STS: variants seen among roughly 807,000 people sequenced by gnomAD.
STS encodes the protein steryl-sulfatase.
In STS, 7 loss-of-function variants were observed where a neutral mutation model predicts 26.8. The observed-to-expected ratio is 0.26, with a 90% CI of 0.15 to 0.49. The LOEUF is 0.49. Ranked by LOEUF, STS falls within the 20% of genes least tolerant of loss-of-function variation. The pLI is 0.98. For synonymous variants in STS, 199 were observed against 189.4 expected (o/e 1.05, Z -0.42); for missense variants, 434 against 465.6 (o/e 0.93, Z 0.63).
At chrX:7,272,506 G>C (rs1285833023) in intron 6 of STS, among the ~76,000 whole-genome samples, 2 of 111,663 alleles carry the variant, frequency 1.8e-5, no homozygotes, top group Admixed American at 9.5e-5. Flanking sequence ...CCTTGCTCTA[G>C]AGCAACCGTT....
At chrX:7,251,080 A>AT (rs1923117738) in intron 2 of STS, among the ~76,000 whole-genome samples, 1 of 112,331 alleles carries the variant, frequency 8.9e-6, no homozygotes, top group East Asian at 2.8e-4. Flanking sequence ...TCTCTTTAAA[A>AT]ATTGGAAGCT....
chrX:7,189,420 G>C (rs1385685063), intron 1 of STS, among the ~76,000 whole-genome samples: 2 of 111,731 alleles, frequency 1.8e-5, no homozygotes, highest in East Asian at 5.6e-4. Flanking sequence ...CCAGCTTTGA[G>C]GGACAAATAG....
At chrX:7,295,677 T>C (rs1174693148) in intron 7 of STS, among the ~76,000 whole-genome samples, 1 of 110,887 alleles carries the variant, frequency 9.0e-6, no homozygotes, top group African/African-American at 3.3e-5. Flanking sequence ...TTAAGGATCT[T>C]GGGGAAAGAT....
intron 3 of STS, among the ~76,000 whole-genome samples, chrX:7,255,798 A>G (rs926049390): frequency 7.1e-5 from 8 of 112,421 alleles, no homozygotes; most frequent in Non-Finnish European, 1.3e-4. Flanking sequence ...AATTAAACAC[A>G]TTCACTAAAT....
rs1032020820 is a variant in STS at position 7,259,490 on chromosome X, C to T, written c.524C>T (p.Thr175Met). ...CKPGEGSVFT[T>M]GFKRLVFLPL... is the part of the protein sequence containing the mutation. ...CCCGGAGAGGGCAGTGTCTTCACCA[C>T]GGGCTTCAAGAGGCTGGTCTTCCTC... Residue 175 changes from threonine to methionine, a missense_variant, in exon 6 of 11, where the codon ACG becomes ATG. By Grantham distance (81) the Thr-to-Met change is moderately conservative. This residue lies in a region of STS where 229 missense variants were observed against 288.3 expected (regional missense o/e 0.79). Transcript: ENST00000674429. The T allele has an allele frequency of 5.0e-6, 6 of 1,211,774 alleles. No homozygotes were observed. The highest frequency in any genetic ancestry group is 2.2e-5 in the Admixed American group (1 of 46,072).
chrX:7,221,324 A>T (rs1262836476), intron 2 of STS, among the ~76,000 whole-genome samples: 1 of 112,339 alleles, frequency 8.9e-6, no homozygotes, highest in African/African-American at 3.2e-5. Flanking sequence ...CTGATAGTCG[A>T]TTCATACAAA....
chrX:7,172,383 C>T (rs1281908874), intron 1 of STS, among the ~76,000 whole-genome samples: 8 of 110,862 alleles, frequency 7.2e-5, no homozygotes, highest in African/African-American at 2.3e-4. Context: ...CAGCTTGCCC[C>T]TCTTCTGCCA....
intron 2 of STS, among the ~76,000 whole-genome samples, chrX:7,203,831 G>A (rs977315846): frequency 9.0e-6 from 1 of 111,159 alleles, no homozygotes; most frequent in African/African-American, 3.3e-5. Context: ...GCTGCCCAGG[G>A]TGGAATACGA....
At chrX:7,211,296 G>T (rs1052581307) in intron 2 of STS, among the ~76,000 whole-genome samples, 4 of 111,890 alleles carry the variant, frequency 3.6e-5, no homozygotes, top group Non-Finnish European at 7.5e-5. Flanking sequence ...GGGATCGCCA[G>T]GATGAAATCA....
intron 7 of STS, among the ~76,000 whole-genome samples, chrX:7,285,603 A>G (rs1038053114): frequency 8.9e-6 from 1 of 112,091 alleles, no homozygotes; most frequent in Non-Finnish European, 1.9e-5. Context: ...AAAGATAAAT[A>G]TCAGAAAAAG....
intron 7 of STS, among the ~76,000 whole-genome samples, chrX:7,286,773 T>C (rs1478837110): frequency 8.9e-6 from 1 of 112,008 alleles, no homozygotes; most frequent in African/African-American, 3.2e-5. Flanking sequence ...AGATATATAG[T>C]ACACTTTAGG....
chrX:7,236,558 G>A (rs187673652), intron 2 of STS, among the ~76,000 whole-genome samples: 11 of 112,014 alleles, frequency 9.8e-5, no homozygotes, highest in South Asian at 3.7e-4. Flanking sequence ...GTATTTGGCA[G>A]GGATAAGTAT....
chrX:7,292,818 T>C (rs1372807189), intron 7 of STS, among the ~76,000 whole-genome samples: 1 of 111,164 alleles, frequency 9.0e-6, no homozygotes, highest in Admixed American at 9.7e-5. Flanking sequence ...TTTAAGAGTA[T>C]TCCAAAGAAT....
chrX:7,275,292 T>G (rs1352803959), intron 6 of STS, among the ~76,000 whole-genome samples: 1 of 111,756 alleles, frequency 8.9e-6, no homozygotes, highest in African/African-American at 3.3e-5. Flanking sequence ...AGAGTAGATT[T>G]TAAATGTTCT....
At chrX:7,299,122 ATATT>A (rs1925826052) in intron 7 of STS, among the ~76,000 whole-genome samples, 1 of 95,143 alleles carries the variant, frequency 1.1e-5, no homozygotes, top group Non-Finnish European at 2.0e-5. Context: ...ATATAAGTAT[ATATT>A]TATATAATTA....
chrX:7,174,808 C>G (rs1202214285), intron 1 of STS, among the ~76,000 whole-genome samples: 1 of 111,187 alleles, frequency 9.0e-6, no homozygotes, highest in Admixed American at 9.6e-5. Flanking sequence ...GTCATCAGAT[C>G]TGCCTCCCTA....
At position 7,305,062 on chromosome X, in the gene STS, T is replaced by C; in HGVS notation, c.960T>C (p.Leu320=). 6.6e-6 allele frequency: 8 copies of C among 1,211,160 alleles called. No individual in the cohort carries two copies. Among genetic ancestry groups the C allele is most frequent in the Non-Finnish European group, 7.8e-6 (7 of 894,997 alleles). ...CCCCTCCAGGGCAGATCTTGAACCT[T>C]CTGGATGAGCTGAGATTGGCTAATG... The part of the protein sequence containing the change: ...MDWSVGQILN[L]LDELRLANDT... Residue 320 remains leucine (L), a synonymous_variant, in exon 8 of 11, where the codon CTT becomes CTC. Transcript: ENST00000674429.
At chrX:7,260,814 A>G (rs1923706421) in intron 6 of STS, among the ~76,000 whole-genome samples, 1 of 111,874 alleles carries the variant, frequency 8.9e-6, no homozygotes, top group Admixed American at 9.5e-5. Context: ...GGAAAGATCC[A>G]AAATATTTTG....
At chrX:7,343,814 T>C (rs1928403261) in intron 10 of STS, among the ~76,000 whole-genome samples, 1 of 112,213 alleles carries the variant, frequency 8.9e-6, no homozygotes, top group Admixed American at 9.4e-5. Context: ...AGCATCAGGC[T>C]AAGAAAGGCA....
Sources: allele counts gnomAD v4.1 joint callset (sites outside exome capture counted in the v4.1 genomes callset), GRCh38; gene constraint gnomAD v4.1.1; regional missense constraint gnomAD v4.1.1; transcripts MANE v1.5; gene names NCBI Gene and HGNC (gene_info 2026-07-23, HGNC 2026-07-21).